TOX3: variants seen among roughly 807,000 people sequenced by gnomAD.
TOX3 encodes the protein TOX high mobility group box family member 3, also known as CAG trinucleotide repeat-containing gene F9 protein.
A neutral mutation model predicts 64.3 loss-of-function variants in TOX3; 22 were observed. The observed-to-expected ratio is 0.34, with a 90% CI of 0.24 to 0.49. The LOEUF is 0.49. Among genes scored for constraint, TOX3 ranks in the 20% least tolerant of loss-of-function variants. The probability of loss-of-function intolerance (pLI) is 0.99; values close to 1 mark genes in which losing one functional copy is unlikely to be tolerated. For missense variants in TOX3, 661 were observed against 714.4 expected, an observed-to-expected ratio of 0.93 and a Z score of 0.85; for synonymous variants, 291 against 273.6, an observed-to-expected ratio of 1.06 and a Z score of -0.63.
chr16:52,537,878 TAAAAAAAAAA>T (rs57403617), intron 1 of TOX3, among the ~76,000 whole-genome samples: 89 of 111,026 alleles, frequency 8.0e-4, no homozygotes, highest in African/African-American at 2.7e-3. Flanking sequence ...GCTGATATGA[TAAAAAAAAAA>T]AAAAAAAAAA....
intron 6 of TOX3, among the ~76,000 whole-genome samples, chr16:52,443,900 G>C (rs1960079306): frequency 6.6e-6 from 1 of 152,090 alleles, no homozygotes; most frequent in South Asian, 2.1e-4. Flanking sequence ...TATAACCACA[G>C]GAGAATTTAT....
chr16:52,444,563 AC>A (rs1477198370), intron 5 of TOX3: 7 of 399,560 alleles, frequency 1.8e-5, no homozygotes, highest in Non-Finnish European at 2.6e-5. Context: ...GAACCCTGCC[AC>A]CCTCACTGGA....
At chr16:52,444,023 T>C (rs1039734951) in intron 6 of TOX3, among the ~76,000 whole-genome samples, 2 of 152,226 alleles carry the variant, frequency 1.3e-5, no homozygotes, top group African/African-American at 2.4e-5. Flanking sequence ...TTAAAATTTA[T>C]GTATATAGCT....
chr16:52,527,416 T>C (rs902665047), intron 1 of TOX3, among the ~76,000 whole-genome samples: 2 of 152,204 alleles, frequency 1.3e-5, no homozygotes, highest in African/African-American at 4.8e-5. Flanking sequence ...CAGAGACAGA[T>C]GAGCCCCAAT....
intron 1 of TOX3, among the ~76,000 whole-genome samples, chr16:52,500,243 G>T (rs1961965375): frequency 6.6e-6 from 1 of 152,142 alleles, no homozygotes; most frequent in Non-Finnish European, 1.5e-5. Flanking sequence ...AAACATTTAG[G>T]TTATTAGAGG....
chr16:52,448,965 C>G (rs1316047185), intron 4 of TOX3, among the ~76,000 whole-genome samples: 1 of 152,208 alleles, frequency 6.6e-6, no homozygotes, highest in African/African-American at 2.4e-5. Flanking sequence ...TTCTGGCTCT[C>G]AAACTAAAAC....
intron 3 of TOX3, among the ~76,000 whole-genome samples, chr16:52,452,501 G>C (rs1960382291): frequency 1.3e-5 from 2 of 151,748 alleles, no homozygotes; most frequent in Admixed American, 1.3e-4. Context: ...TGGACATTTG[G>C]GTTGGTTCCA....
chr16:52,497,962 G>A (rs1444945613), intron 1 of TOX3, among the ~76,000 whole-genome samples: 1 of 152,122 alleles, frequency 6.6e-6, no homozygotes, highest in African/African-American at 2.4e-5. Flanking sequence ...ATTCACCGTA[G>A]AACCCAGAGG....
At chr16:52,511,068 C>A (rs570518914) in intron 1 of TOX3, among the ~76,000 whole-genome samples, 6 of 152,116 alleles carry the variant, frequency 3.9e-5, no homozygotes, top group African/African-American at 1.4e-4. Flanking sequence ...CTAAGGGGAC[C>A]AAAGAGGACA....
chr16:52,448,540 T>C (rs1229500414), intron 4 of TOX3, among the ~76,000 whole-genome samples: 1 of 152,152 alleles, frequency 6.6e-6, no homozygotes, highest in Non-Finnish European at 1.5e-5. Flanking sequence ...AGACTGTCAG[T>C]GTATTTACCA....
chr16:52,466,506 G>T (rs1343784252), intron 2 of TOX3, among the ~76,000 whole-genome samples: 3 of 152,112 alleles, frequency 2.0e-5, no homozygotes, highest in Non-Finnish European at 4.4e-5. Flanking sequence ...GGGAAATTAG[G>T]CACGTGCTAT....
intron 1 of TOX3, among the ~76,000 whole-genome samples, chr16:52,515,392 T>C (rs753563594): frequency 6.6e-6 from 1 of 152,156 alleles, no homozygotes; most frequent in Non-Finnish European, 1.5e-5. Flanking sequence ...ATTTTTAAGC[T>C]GCAGAACAAA....
At chr16:52,446,497 C>T (rs936486451) in intron 4 of TOX3, among the ~76,000 whole-genome samples, 2 of 152,190 alleles carry the variant, frequency 1.3e-5, no homozygotes, top group Non-Finnish European at 2.9e-5. Context: ...ACAGAACACT[C>T]TGTACCAGGC....
intron 1 of TOX3, among the ~76,000 whole-genome samples, chr16:52,541,639 TTG>T: frequency 6.6e-6 from 1 of 152,378 alleles, no homozygotes. Flanking sequence ...CCAGCTGAGT[TTG>T]TGACATGAAG....
intron 1 of TOX3, among the ~76,000 whole-genome samples, chr16:52,495,383 G>A (rs1961817651): frequency 6.6e-6 from 1 of 152,152 alleles, no homozygotes; most frequent in Non-Finnish European, 1.5e-5. Flanking sequence ...GCTAGTGAAA[G>A]GAAGGTAAGT....
intron 1 of TOX3, among the ~76,000 whole-genome samples, chr16:52,477,184 C>T (rs1474008944): frequency 3.3e-5 from 5 of 152,190 alleles, no homozygotes; most frequent in South Asian, 4.2e-4. Context: ...AAGCTTCAGA[C>T]CTACTTGTAC....
intron 1 of TOX3, among the ~76,000 whole-genome samples, chr16:52,494,858 C>A (rs1265535459): frequency 1.3e-5 from 2 of 152,128 alleles, no homozygotes; most frequent in African/African-American, 4.8e-5. Context: ...GGTGACAAAC[C>A]ATCTACCTGT....
intron 1 of TOX3, among the ~76,000 whole-genome samples, chr16:52,544,715 A>G (rs1963139425): frequency 6.6e-6 from 1 of 152,226 alleles, no homozygotes; most frequent in South Asian, 2.1e-4. Flanking sequence ...CCTGAAATAA[A>G]TGTTCTGAGC....
At chr16:52,488,992 T>G (rs1197992611) in intron 1 of TOX3, among the ~76,000 whole-genome samples, 1 of 152,166 alleles carries the variant, frequency 6.6e-6, no homozygotes, top group African/African-American at 2.4e-5. Context: ...ACTAATGGAC[T>G]TTGTCCCTCA....
Sources: gnomAD v4.1 joint callset for allele counts (sites outside exome capture counted in the v4.1 genomes callset) on GRCh38, gnomAD v4.1.1 for gene constraint, MANE v1.5 for transcripts, NCBI Gene and HGNC (gene_info 2026-07-23, HGNC 2026-07-21) for gene names.